Variants in NFILZ observed in about 807,000 individuals in gnomAD.
NFILZ encodes NFIL3 like basic leucine zipper, also known as NFIL3 like protein.
chr19:8,674,255 A>G (rs1031107702), intron 3 of NFILZ, among the ~76,000 whole-genome samples: 1 of 152,218 alleles, frequency 6.6e-6, no homozygotes, highest in Non-Finnish European at 1.5e-5. Context: ...ATTTGAGTTC[A>G]AATCTTAGTC....
At chr19:8,666,427 C>T (rs574792878) in intron 3 of NFILZ, among the ~76,000 whole-genome samples, 2 of 152,024 alleles carry the variant, frequency 1.3e-5, no homozygotes, top group East Asian at 3.9e-4. Context: ...CCACCTGTCT[C>T]AGCCTCCCAA....
chr19:8,634,720 A>G (rs8106848), intron 2 of NFILZ, among the ~76,000 whole-genome samples: 32,943 of 151,930 alleles, frequency 0.22, 3,702 homozygotes, highest in Middle Eastern at 0.35. Flanking sequence ...TACAAAAAAC[A>G]AAACAGAAAA....
At chr19:8,647,901 G>T (rs146915813) in intron 3 of NFILZ, among the ~76,000 whole-genome samples, 1 of 151,550 alleles carries the variant, frequency 6.6e-6, no homozygotes, top group Non-Finnish European at 1.5e-5. Flanking sequence ...AGCCAGGTGC[G>T]GTGGCTCGTG....
intron 3 of NFILZ, among the ~76,000 whole-genome samples, chr19:8,674,305 C>A (rs562111573): frequency 1.6e-4 from 25 of 152,246 alleles, no homozygotes; most frequent in African/African-American, 5.3e-4. Context: ...AGATGAAAGA[C>A]CTTCTCTAGA....
intron 3 of NFILZ, among the ~76,000 whole-genome samples, chr19:8,673,869 C>A (rs56141396): frequency 0.19 from 29,374 of 151,804 alleles, 3,186 homozygotes; most frequent in South Asian, 0.35. Flanking sequence ...GAGATGGAGT[C>A]TTGCTCTGTC....
intron 3 of NFILZ, among the ~76,000 whole-genome samples, chr19:8,659,043 C>T (rs553488374): frequency 1.3e-4 from 20 of 152,124 alleles, no homozygotes; most frequent in African/African-American, 3.1e-4. Flanking sequence ...GTCAGGATTT[C>T]GAGACCGGCC....
intron 3 of NFILZ, among the ~76,000 whole-genome samples, chr19:8,650,796 T>A (rs2042961742): frequency 6.6e-6 from 1 of 152,218 alleles, no homozygotes; most frequent in Non-Finnish European, 1.5e-5. Context: ...ACTATTTATT[T>A]TCATAATTTA....
intron 3 of NFILZ, among the ~76,000 whole-genome samples, chr19:8,646,127 C>T (rs1396935436): frequency 6.6e-6 from 1 of 151,968 alleles, no homozygotes; most frequent in East Asian, 1.9e-4. Context: ...ACCTCTGCCT[C>T]CTGGGTTCAA....
chr19:8,632,608 A>G lies in NFILZ; in HGVS notation c.-278A>G, dbSNP rs138861534. 6.6e-6 allele frequency: 1 copy of G among 152,280 alleles called. No individual in the cohort carries two copies. Among genetic ancestry groups the G allele is most frequent in the East Asian group, 1.9e-4 (1 of 5,184 alleles). 9.4% of individuals were successfully genotyped at this position (152,280 alleles called of 1,614,324 possible). On this transcript the variant is annotated 5_prime_UTR_variant, in exon 2 of 6. An upstream start codon of the reference 5' UTR is lost. Transcript: ENST00000691075. ...TGGCAACATCAGGAAGTTACCCTCT[A>G]TGCTCTAAAAACGGGAGGTATGAAT...
chr19:8,661,690 G>A (rs1026251571), intron 3 of NFILZ, among the ~76,000 whole-genome samples: 1 of 152,120 alleles, frequency 6.6e-6, no homozygotes, highest in Non-Finnish European at 1.5e-5. Flanking sequence ...TCAGGAGTTC[G>A]AGACCAGCCT....
chr19:8,647,795 G>GCGCACACA (rs1189605746), intron 3 of NFILZ, among the ~76,000 whole-genome samples: 96 of 76,330 alleles, frequency 1.3e-3, no homozygotes, highest in East Asian at 4.5e-3. Flanking sequence ...GCGCGCGCGC[G>GCGCACACA]CACACACACA....
chr19:8,645,883 A>G (rs1400679167), intron 3 of NFILZ, among the ~76,000 whole-genome samples: 1 of 152,138 alleles, frequency 6.6e-6, no homozygotes, highest in African/African-American at 2.4e-5. Flanking sequence ...GTGGGTCCAT[A>G]TTTACTGTGA....
In NFILZ at chr19:8,635,748, TAA is replaced by T. The variant is rs1442258838; in HGVS notation, c.-164+3_-164+4del. The T allele has an allele frequency of 2.6e-5, 4 of 152,130 alleles. No individual in the cohort carries two copies. The highest frequency in any genetic ancestry group is 9.7e-5 in the African/African-American group (4 of 41,430). The allele number at this position is 152,130 out of a possible 1,614,324, so 9.4% of individuals were successfully genotyped here. Reference sequence around the variant, plus strand: ...TGATGTGCAAGTTTTGGTGTGAGGGTAAGTTTCCATTTCTCTACGGTGAATAC... The same window carrying T: ...TGATGTGCAAGTTTTGGTGTGAGGGTGTTTCCATTTCTCTACGGTGAATAC... On this transcript the variant is annotated splice_donor_region_variant and intron_variant, in intron 3 of 5. Coordinates refer to ENST00000691075, the MANE Select transcript of NFILZ (RefSeq NM_001378600.1).
intron 3 of NFILZ, among the ~76,000 whole-genome samples, chr19:8,643,263 C>G (rs1444059555): frequency 6.6e-6 from 1 of 152,170 alleles, no homozygotes; most frequent in Non-Finnish European, 1.5e-5. Context: ...GATTTTGACT[C>G]TAAAGATATG....
chr19:8,635,874 T>A (rs1056797518), intron 3 of NFILZ, 128 bp downstream of exon 3: 1 of 152,156 alleles, frequency 6.6e-6, no homozygotes, highest in Non-Finnish European at 1.5e-5. Flanking sequence ...TCTTGCTCTG[T>A]CACCCAAACT....
chr19:8,650,048 G>A (rs2042958258), intron 3 of NFILZ, among the ~76,000 whole-genome samples: 2 of 151,716 alleles, frequency 1.3e-5, no homozygotes, highest in Non-Finnish European at 2.9e-5. Context: ...CCGGGAGGTG[G>A]AGGCTGCAGT....
intron 3 of NFILZ, chr19:8,638,389 T>C (rs2042904548): frequency 6.6e-6 from 1 of 152,218 alleles, no homozygotes; most frequent in South Asian, 2.1e-4. Context: ...TTAGGAAGCC[T>C]GTGCAGTTGA....
chr19:8,636,044 C>T (rs1490358366), intron 3 of NFILZ, among the ~76,000 whole-genome samples: 1 of 152,000 alleles, frequency 6.6e-6, no homozygotes, highest in Non-Finnish European at 1.5e-5. Flanking sequence ...ACCGTATTGC[C>T]CAGGCTGGTG....
chr19:8,652,809 TTCTC>T (rs149429243), intron 3 of NFILZ, among the ~76,000 whole-genome samples: 4,838 of 150,574 alleles, frequency 0.032, 98 homozygotes, highest in Admixed American at 0.049. Context: ...CCCTCCCTCC[TTCTC>T]TCTCTCTCTT....
Sources: gnomAD v4.1 joint callset for allele counts (sites outside exome capture counted in the v4.1 genomes callset) on GRCh38, gnomAD v4.1.1 for gene constraint, MANE v1.5 for transcripts, NCBI Gene and HGNC (gene_info 2026-07-23, HGNC 2026-07-21) for gene names.